Variants in MUC22 observed in about 807,000 individuals in gnomAD.
The protein encoded by MUC22 is mucin 22, also known as mucin-22.
Under a neutral mutation model 40.3 loss-of-function variants are expected in MUC22, and 24 were observed. The observed-to-expected ratio is 0.60, with a 90% CI of 0.43 to 0.84. MUC22 has a LOEUF of 0.84. Among genes scored for constraint, MUC22 ranks in the 40% least tolerant of loss-of-function variants. MUC22 has a pLI of 0.00. For synonymous variants in MUC22, 765 were observed against 844.5 expected (o/e 0.91, Z 1.63); for missense variants, 1,926 against 2,130.7 (o/e 0.90, Z 1.89).
chr6:31,017,754 C>G (rs115273897), intron 1 of MUC22, among the ~76,000 whole-genome samples: 1 of 150,516 alleles, frequency 6.6e-6, no homozygotes, highest in African/African-American at 2.4e-5. Context: ...AACCAATCGG[C>G]GCTCTGTAAA....
exon 2 of MUC22, chr6:31,026,381 T>A: frequency 1.3e-6 from 2 of 1,499,166 alleles, no homozygotes; most frequent in African/African-American, 1.5e-5. Flanking sequence ...GGTTCTGAGA[T>A]CACCACCACC....
upstream of MUC22, among the ~76,000 whole-genome samples, chr6:31,007,385 A>T (rs1763587338): frequency 6.6e-6 from 1 of 152,254 alleles, no homozygotes; most frequent in Non-Finnish European, 1.5e-5. This position sits in a 1 kb window ranked among gnomAD's most constrained non-coding sequence, Gnocchi z 4.0. Flanking sequence ...AATGGGTCAC[A>T]GACATAGACC....
At chr6:31,027,756 G>T (rs1300974587) in exon 2 of MUC22, 1 of 1,514,664 alleles carries the variant, frequency 6.6e-7, no homozygotes, top group Non-Finnish European at 8.8e-7. Context: ...GCTCTGAGAT[G>T]ACCACAGTCT....
chr6:31,030,111 C>T lies in MUC22; in HGVS notation c.4669+11C>T. 6.7e-7 allele frequency: 1 copy of T among 1,500,482 alleles called. No homozygotes were observed. Among genetic ancestry groups the T allele is most frequent in the South Asian group, 1.3e-5 (1 of 77,916 alleles). The allele number at this position is 1,500,482 out of a possible 1,614,324, so 92.9% of individuals were successfully genotyped here. ...ACACACCTATGTCAGGTACTAACCC[C>T]CATGTCTTCTTTGAGCCCACACATT... On this transcript the variant is annotated intron_variant, in intron 2 of 3. Coordinates refer to ENST00000561890, the Ensembl canonical transcript of MUC22.
At chr6:31,022,590 A>G (rs1254000225) in intron 1 of MUC22, among the ~76,000 whole-genome samples, 1 of 152,164 alleles carries the variant, frequency 6.6e-6, no homozygotes, top group Non-Finnish European at 1.5e-5. Flanking sequence ...TTAAAAGATA[A>G]TATACTTGAG....
At chr6:31,033,295 G>GAGAGAA (rs1488375881) in intron 3 of MUC22, among the ~76,000 whole-genome samples, 1 of 150,990 alleles carries the variant, frequency 6.6e-6, no homozygotes, top group African/African-American at 2.4e-5. Flanking sequence ...AAGAAACTGA[G>GAGAGAA]AGAGAAAGAG....
At chr6:31,013,881 T>A (rs1281013264) in intron 1 of MUC22, among the ~76,000 whole-genome samples, 1 of 152,114 alleles carries the variant, frequency 6.6e-6, no homozygotes, top group Non-Finnish European at 1.5e-5. Context: ...TTTTGGGTTT[T>A]TTTTCCTGCT....
chr6:31,021,040 C>G (rs1462351183), intron 1 of MUC22, among the ~76,000 whole-genome samples: 9 of 152,228 alleles, frequency 5.9e-5, no homozygotes, highest in African/African-American at 2.4e-5. Context: ...GGAGCCTCCC[C>G]GATGAGCGCC....
rs1020701661 is a variant in MUC22 at position 31,029,977 on chromosome 6, A to G, written c.4546A>G (p.Thr1516Ala). The G allele has an allele frequency of 1.3e-5, 20 of 1,535,652 alleles. No individual in the cohort carries two copies. In the African/African-American group the frequency reaches 1.4e-4, roughly 11 times the overall value. ...AACTTCCCTCACAGGCTCTGAGACC[A>G]CCACAGTCTCTATCACAGCTTCTGG... Residue 1516 changes from threonine (T) to alanine (A), a missense_variant, in exon 2 of 4, where the codon ACC becomes GCC. By Grantham distance (58) the Thr-to-Ala change is moderately conservative. Transcript: ENST00000561890.
chr6:31,033,027 T>G (rs1766182469), intron 3 of MUC22, among the ~76,000 whole-genome samples: 1 of 151,764 alleles, frequency 6.6e-6, no homozygotes, highest in Non-Finnish European at 1.5e-5. Context: ...TAGTCGAGAG[T>G]GGTAGCATGG....
chr6:31,016,939 C>T (rs1764254553), intron 1 of MUC22, among the ~76,000 whole-genome samples: 1 of 152,242 alleles, frequency 6.6e-6, no homozygotes, highest in African/African-American at 2.4e-5. Flanking sequence ...AGGAACTTAG[C>T]ACCCGGGCCA....
At chr6:31,013,402 C>T (rs750336034) in intron 1 of MUC22, among the ~76,000 whole-genome samples, 3 of 152,048 alleles carry the variant, frequency 2.0e-5, no homozygotes, top group East Asian at 1.9e-4. Context: ...GCTGGGATTA[C>T]GGGTGTGAGC....
chr6:31,027,545 C>T, exon 2 of MUC22: 1 of 1,528,686 alleles, frequency 6.5e-7, no homozygotes, highest in Non-Finnish European at 8.7e-7. Context: ...GACTCTGAGA[C>T]CACCACAGCT....
chr6:31,034,556 A>G (rs965447325), intron 3 of MUC22, 116 bp from the exon 4 acceptor site: 10 of 796,746 alleles, frequency 1.3e-5, no homozygotes, highest in Non-Finnish European at 1.9e-5. Flanking sequence ...TAAAGAGAAG[A>G]GAACATGGGC....
exon 2 of MUC22, chr6:31,026,321 C>T (rs1260070349): frequency 1.3e-6 from 2 of 1,509,478 alleles, no homozygotes; most frequent in East Asian, 2.5e-5. Context: ...GGTTCTGAGA[C>T]CACCACCCCC....
chr6:31,020,138 CTT>C (rs1244792023), intron 1 of MUC22, among the ~76,000 whole-genome samples: 2 of 152,082 alleles, frequency 1.3e-5, no homozygotes, highest in African/African-American at 4.8e-5. Flanking sequence ...GCAAAATAAA[CTT>C]TAAAAAATCA....
Position 31,027,081 on chromosome 6 carries a change from C to A in MUC22, c.1650C>A (p.Thr550=). ...GCTCTGAGCCTACCATGGCATCCAC[C>A]ATGGGCTCTGAGACCACTATGGCCT... is the stretch of plus-strand genomic sequence containing the variant. Residue 550 remains threonine, a synonymous_variant, in exon 2 of 4, where the codon ACC becomes ACA. Coordinates refer to ENST00000561890, the Ensembl canonical transcript of MUC22. The A allele has an allele frequency of 2.0e-6, 3 of 1,495,776 alleles. 1 individual carries two copies. The highest frequency in any genetic ancestry group is 2.7e-6 in the Non-Finnish European group (3 of 1,118,586). The allele number at this position is 1,495,776 out of a possible 1,614,324, so 92.7% of individuals were successfully genotyped here.
rs1264903755 is a variant in MUC22 at position 31,011,289 on chromosome 6, T to TA, written c.70+513_70+514insA. On this transcript the variant is annotated intron_variant, in intron 1 of 3. Coordinates refer to ENST00000561890, the Ensembl canonical transcript of MUC22. The surrounding 1 kb of genome is among the most constrained non-coding windows in gnomAD (Gnocchi z 4.5). The stretch of plus-strand genomic sequence containing the variant: ...GAATTGTGAGACTTTGGTGCACCCG[T>TA]CACCAAGCAGTGTACACCGCACCCA... Among the ~76,000 whole-genome samples, 187 of 152,176 alleles carry TA rather than the reference T, an allele frequency of 1.2e-3. 1 individual carries two copies. The highest frequency in any genetic ancestry group is 1.6e-3 in the Non-Finnish European group (107 of 67,992).
chr6:31,020,537 C>T (rs111410233), intron 1 of MUC22, among the ~76,000 whole-genome samples: 8,328 of 150,660 alleles, frequency 0.055, 332 homozygotes, highest in East Asian at 0.11. Flanking sequence ...CTCTGCCTCC[C>T]GGTGAGAGGT....
Sources: gnomAD v4.1 joint callset for allele counts (sites outside exome capture counted in the v4.1 genomes callset) on GRCh38, gnomAD v4.1.1 for gene constraint, Gnocchi (gnomAD v3.1) non-coding constraint, MANE v1.5 for transcripts, NCBI Gene and HGNC (gene_info 2026-07-23, HGNC 2026-07-21) for gene names.